Variants in MEI1 observed in about 807,000 individuals in gnomAD.
MEI1 encodes the protein meiotic double-stranded break formation protein 1.
A neutral mutation model predicts 146.2 loss-of-function variants in MEI1; 103 were observed. The ratio of observed to expected loss-of-function variants is 0.70; its 90% CI spans 0.60 to 0.83. The LOEUF (loss-of-function observed/expected upper bound fraction) is 0.83. Among genes scored for constraint, MEI1 ranks in the 40% least tolerant of loss-of-function variants. The pLI is 0.00. For synonymous variants in MEI1, 652 were observed against 628.2 expected (o/e 1.04, Z -0.57); for missense variants, 1,529 against 1,533.0 (o/e 1.00, Z 0.04).
intron 11 of MEI1, 24 bp downstream of exon 11, chr22:41,732,627 C>T (rs1247729374): frequency 6.2e-7 from 1 of 1,607,592 alleles, no homozygotes; most frequent in East Asian, 2.2e-5. Flanking sequence ...GCAGGCTGAA[C>T]TTTCCATCCC....
At position 41,781,751 on chromosome 22, in the gene MEI1, T is replaced by C. The variant is rs2075766100; in HGVS notation, c.2993T>C (p.Leu998Ser). ...ELLEKMLALT[L>S]AKADSPRTAL... Reference sequence around the variant, plus strand: ...CTGGAGAAGATGCTGGCCCTCACCTTGGCAAAGGCAGATTCTCCCAGGACT... The same window carrying C: ...CTGGAGAAGATGCTGGCCCTCACCTCGGCAAAGGCAGATTCTCCCAGGACT... Residue 998 changes from leucine (L) to serine (S), a missense_variant, in exon 24 of 31, where the codon TTG becomes TCG. Around this residue, in one of 3 missense-constraint regions of MEI1, gnomAD observed 313 missense variants for 337.3 expected, o/e 0.93. Coordinates refer to ENST00000401548, the MANE Select transcript of MEI1 (RefSeq NM_152513.4). 3.1e-6 allele frequency: 5 copies of C among 1,613,964 alleles called. No homozygotes were observed. The highest frequency in any genetic ancestry group is 3.4e-6 in the Non-Finnish European group (4 of 1,179,892).
chr22:41,716,355 C>CTT lies in MEI1; in HGVS notation c.529+246_529+247dup, dbSNP rs6147630. ...TATTCTTGGACTATTTCCATTCATT[C>CTT]TTTTTTTTTTTTTTTTTTTTTTTTT... is the stretch of plus-strand genomic sequence containing the variant. On this transcript the variant is annotated intron_variant, in intron 5 of 30. Coordinates refer to ENST00000401548, the MANE Select transcript of MEI1 (RefSeq NM_152513.4). 1.4e-4 allele frequency among the ~76,000 whole-genome samples: 17 copies of CTT among 118,580 alleles called. 2 individuals are homozygous for CTT. Among genetic ancestry groups the CTT allele is most frequent in the Non-Finnish European group, 2.6e-4 (15 of 58,682 alleles). The allele number at this position is 118,580 out of a possible 152,430, so 77.8% of individuals were successfully genotyped here. A position where few individuals can be genotyped will look rare whatever the true frequency, so the allele number is the denominator to read the frequency against.
chr22:41,730,098 CT>C (rs1406003757), intron 8 of MEI1, among the ~76,000 whole-genome samples: 1 of 152,156 alleles, frequency 6.6e-6, no homozygotes, highest in Non-Finnish European at 1.5e-5. Context: ...AGGTCTTCAT[CT>C]TCACTATTTT....
chr22:41,779,502 G>T (rs569207178), intron 22 of MEI1, among the ~76,000 whole-genome samples: 9 of 152,218 alleles, frequency 5.9e-5, no homozygotes, highest in Admixed American at 2.6e-4. Context: ...AGTCAGGAAG[G>T]CCTGGGTTTG....
rs377470180 is a variant in MEI1 at position 41,721,382 on chromosome 22, C to G, written c.734-2561C>G. On this transcript the variant is annotated intron_variant, in intron 6 of 30. Transcript: ENST00000401548. The stretch of plus-strand genomic sequence containing the variant: ...GCCTCAGCCTCCTGAGTAGCTGGGA[C>G]TACAGGCGCATGCCACCACATCTGG... 1.2e-3 allele frequency among the ~76,000 whole-genome samples: 179 copies of G among 150,746 alleles called. 1 individual carries two copies. The highest frequency in any genetic ancestry group is 4.1e-3 in the African/African-American group (169 of 41,044).
At chr22:41,750,349 G>A (rs1375926546) in intron 15 of MEI1, among the ~76,000 whole-genome samples, 2 of 152,234 alleles carry the variant, frequency 1.3e-5, no homozygotes, top group Non-Finnish European at 2.9e-5. Flanking sequence ...GAGTAGTCAG[G>A]AGTGTGAAAG....
chr22:41,710,591 A>T (rs956478454), intron 3 of MEI1, among the ~76,000 whole-genome samples: 1 of 152,186 alleles, frequency 6.6e-6, no homozygotes, highest in African/African-American at 2.4e-5. Flanking sequence ...ACATTCTTTT[A>T]GGTCAGGTGG....
intron 26 of MEI1, among the ~76,000 whole-genome samples, chr22:41,785,906 T>TG (rs139547): frequency 1.6e-5 from 2 of 127,736 alleles, no homozygotes; most frequent in Admixed American, 1.8e-4. Flanking sequence ...TTTTTTTATT[T>TG]TTTATTTTAT....
At chr22:41,786,071 C>T (rs1312913380) in intron 26 of MEI1, among the ~76,000 whole-genome samples, 7 of 149,382 alleles carry the variant, frequency 4.7e-5, no homozygotes, top group African/African-American at 1.2e-4. Context: ...CTACCACGCC[C>T]GGCTAATTTT....
chr22:41,791,184 G>C (rs1329061202), intron 26 of MEI1, among the ~76,000 whole-genome samples: 1 of 152,104 alleles, frequency 6.6e-6, no homozygotes, highest in Non-Finnish European at 1.5e-5. Context: ...ATCAGACTGT[G>C]TGTTTGAAAG....
Position 41,745,012 on chromosome 22 carries a change from C to G in MEI1, c.1486C>G (p.Gln496Glu). 1 of 1,566,400 alleles carries G rather than the reference C, an allele frequency of 6.4e-7. No homozygotes were observed. ...SSRDSEKAIL[Q>E]RGKFLLSTLE... ...TAGAGATTCAGAGAAGGCCATTCTTCAAAGGGGAAAGTTCCTCCTCAGCAC... is the reference window on the plus strand; with the variant it reads ...TAGAGATTCAGAGAAGGCCATTCTTGAAAGGGGAAAGTTCCTCCTCAGCAC... Residue 496 changes from glutamine to glutamate, a missense_variant, in exon 13 of 31, where the codon CAA (glutamine) becomes GAA (glutamate). By Grantham distance (29) the Gln-to-Glu change is conservative. Around this residue, in one of 3 missense-constraint regions of MEI1, gnomAD observed 1,212 missense variants for 1,178.9 expected, o/e 1.03. Coordinates refer to ENST00000401548, the MANE Select transcript of MEI1 (RefSeq NM_152513.4).
chr22:41,705,832 C>T lies in MEI1; in HGVS notation c.349+278C>T, dbSNP rs186537427. On this transcript the variant is annotated intron_variant, in intron 3 of 30. Coordinates refer to ENST00000401548, the MANE Select transcript of MEI1 (RefSeq NM_152513.4). ...AAGCGATTCTCCTGCCTCAGCTTCC[C>T]GAGTAGCTGGGATTACAGGCATCTG... Among the ~76,000 whole-genome samples the T allele has an allele frequency of 4.6e-5, 7 of 151,638 alleles. No individual in the cohort carries two copies. The East Asian group carries it at 1.2e-3, about 25-fold the overall frequency.
chr22:41,789,221 A>G (rs1252252881), intron 26 of MEI1, among the ~76,000 whole-genome samples: 4 of 152,190 alleles, frequency 2.6e-5, no homozygotes, highest in Non-Finnish European at 4.4e-5. Flanking sequence ...CCAAGGCAGG[A>G]GAATCACTTG....
At chr22:41,712,204 C>CAAAAAAA (rs561773303) in intron 3 of MEI1, among the ~76,000 whole-genome samples, 7 of 53,664 alleles carry the variant, frequency 1.3e-4, no homozygotes, top group African/African-American at 5.2e-4. Flanking sequence ...AACTCCGGCT[C>CAAAAAAA]AAAAAAAAAA....
intron 24 of MEI1, 127 bp from the exon 25 acceptor site, chr22:41,784,212 C>T: frequency 1.3e-6 from 1 of 776,976 alleles, no homozygotes; most frequent in Admixed American, 2.4e-5. Flanking sequence ...CTCTGTGTGG[C>T]CTCCTCCGTC....
At chr22:41,760,888 G>A (rs2074440372) in intron 18 of MEI1, among the ~76,000 whole-genome samples, 1 of 152,176 alleles carries the variant, frequency 6.6e-6, no homozygotes, top group Admixed American at 6.5e-5. Context: ...TAACCGCTAG[G>A]TTTAAGCCAG....
chr22:41,732,657 G>T, intron 11 of MEI1, 54 bp downstream of exon 11: 1 of 1,566,576 alleles, frequency 6.4e-7, no homozygotes, highest in Non-Finnish European at 8.7e-7. Context: ...CTAAGGGCCT[G>T]TTGAGGCCAG....
chr22:41,719,128 G>A (rs1431671525), intron 6 of MEI1, among the ~76,000 whole-genome samples: 7 of 151,710 alleles, frequency 4.6e-5, no homozygotes, highest in Admixed American at 3.3e-4. Context: ...GACTACAGGC[G>A]CCTGCCACCA....
intron 19 of MEI1, among the ~76,000 whole-genome samples, chr22:41,764,816 G>A (rs1421134139): frequency 6.6e-6 from 1 of 152,144 alleles, no homozygotes; most frequent in Admixed American, 6.5e-5. Flanking sequence ...AGAGCTCTTT[G>A]CTCCTGTACC....
Sources: gnomAD v4.1 joint callset for allele counts (sites outside exome capture counted in the v4.1 genomes callset) on GRCh38, gnomAD v4.1.1 for gene constraint, gnomAD v4.1.1 regional missense constraint, MANE v1.5 for transcripts, NCBI Gene and HGNC (gene_info 2026-07-23, HGNC 2026-07-21) for gene names.